Variants in MGAT4C observed in about 807,000 individuals in gnomAD.
MGAT4C encodes the protein MGAT4 family member C.
In MGAT4C, 19 loss-of-function variants were observed where a neutral mutation model predicts 40.1. The ratio of observed to expected loss-of-function variants is 0.47; its 90% CI spans 0.33 to 0.70. The LOEUF is 0.70. Among genes scored for constraint, MGAT4C ranks in the 30% least tolerant of loss-of-function variants. The pLI is 0.02. For synonymous variants in MGAT4C, 181 were observed against 187.1 expected, an observed-to-expected ratio of 0.97 and a Z score of 0.27; for missense variants, 491 against 563.2, an observed-to-expected ratio of 0.87 and a Z score of 1.30.
intron 1 of MGAT4C, among the ~76,000 whole-genome samples, chr12:86,768,484 C>A (rs1951559926): frequency 1.3e-5 from 2 of 152,060 alleles, no homozygotes; most frequent in African/African-American, 4.8e-5. Context: ...ATCAAGCTAC[C>A]AATGACTTTC....
At chr12:86,122,068 T>C (rs1047948616) in intron 1 of MGAT4C, among the ~76,000 whole-genome samples, 4 of 152,190 alleles carry the variant, frequency 2.6e-5, no homozygotes, top group African/African-American at 7.2e-5. Context: ...AAAATAACTA[T>C]AGTCATCAAA....
intron 1 of MGAT4C, among the ~76,000 whole-genome samples, chr12:86,185,477 A>C (rs1026072517): frequency 5.1e-4 from 77 of 152,298 alleles, no homozygotes; most frequent in African/African-American, 1.6e-3. Context: ...TTGGGAGCAC[A>C]GTCTTTCAGG....
chr12:86,122,452 C>T (rs1025249105), intron 1 of MGAT4C, among the ~76,000 whole-genome samples: 5 of 152,018 alleles, frequency 3.3e-5, no homozygotes, highest in Non-Finnish European at 7.4e-5. Flanking sequence ...TACAGCTATG[C>T]AAAAAGTTAT....
chr12:86,134,105 G>A (rs1057076149), intron 1 of MGAT4C, among the ~76,000 whole-genome samples: 5 of 152,012 alleles, frequency 3.3e-5, no homozygotes, highest in Non-Finnish European at 7.4e-5. Context: ...ACAATTCTAT[G>A]TTACTCATAA....
At chr12:86,252,954 G>C (rs568105190) in intron 1 of MGAT4C, among the ~76,000 whole-genome samples, 1 of 151,776 alleles carries the variant, frequency 6.6e-6, no homozygotes, top group Admixed American at 6.6e-5. Context: ...ACCACATTCA[G>C]AATCAAGTAT....
At chr12:86,461,726 A>G (rs1957605094) in intron 2 of MGAT4C, among the ~76,000 whole-genome samples, 1 of 152,240 alleles carries the variant, frequency 6.6e-6, no homozygotes, top group Admixed American at 6.5e-5. Context: ...ACAGAATGTA[A>G]TAAATTTCTT....
At chr12:86,537,129 C>A (rs1959085711) in intron 2 of MGAT4C, among the ~76,000 whole-genome samples, 1 of 151,630 alleles carries the variant, frequency 6.6e-6, no homozygotes, top group Admixed American at 6.6e-5. Flanking sequence ...GGACAAAAAA[C>A]CAAACACCGC....
At chr12:86,300,099 C>T (rs1210459858) in intron 4 of MGAT4C, among the ~76,000 whole-genome samples, 1 of 152,204 alleles carries the variant, frequency 6.6e-6, no homozygotes, top group Non-Finnish European at 1.5e-5. Flanking sequence ...TTCATCTCTA[C>T]TGATGCCTAA....
intron 1 of MGAT4C, among the ~76,000 whole-genome samples, chr12:86,174,217 T>C (rs528596892): frequency 1.3e-5 from 2 of 152,110 alleles, no homozygotes; most frequent in South Asian, 4.1e-4. Context: ...TTCCTTGATT[T>C]TATTATTGCA....
At chr12:86,780,126 A>T (rs1045176217) in intron 1 of MGAT4C, among the ~76,000 whole-genome samples, 3 of 152,146 alleles carry the variant, frequency 2.0e-5, no homozygotes, top group South Asian at 2.1e-4. Context: ...ACATTTTTTT[A>T]AATTTTTGTT....
chr12:85,971,975 T>C lies in MGAT4C; in HGVS notation c.*7314A>G, dbSNP rs1167888391. ...TTTTCTACTTTGACTATATTTACCA[T>C]TGACTACAGTAACTCAGCAGAAAGT... On this transcript the variant is annotated 3_prime_UTR_variant, in exon 5 of 5. Coordinates refer to ENST00000611864, the MANE Select transcript of MGAT4C (RefSeq NM_001351288.2). 1 of 151,184 alleles carries C rather than the reference T, an allele frequency of 6.6e-6. No homozygotes were observed. Among genetic ancestry groups the C allele is most frequent in the Middle Eastern group, 3.2e-3 (1 of 316 alleles). The allele number at this position is 151,184 out of a possible 1,614,324, so 9.4% of individuals were successfully genotyped here.
At chr12:86,361,062 A>C in intron 3 of MGAT4C, among the ~76,000 whole-genome samples, 1 of 152,170 alleles carries the variant, frequency 6.6e-6, no homozygotes. Flanking sequence ...AGCTGGAGGC[A>C]TCATGCTACC....
intron 2 of MGAT4C, among the ~76,000 whole-genome samples, chr12:86,490,798 G>T (rs1350549753): frequency 1.3e-5 from 2 of 152,040 alleles, no homozygotes; most frequent in Non-Finnish European, 2.9e-5. Flanking sequence ...AACCAACAAA[G>T]ATCAAAAGAG....
At chr12:86,296,759 C>A (rs139498310) in intron 4 of MGAT4C, among the ~76,000 whole-genome samples, 4 of 152,336 alleles carry the variant, frequency 2.6e-5, no homozygotes, top group African/African-American at 9.6e-5. Flanking sequence ...AGCCCCAGTT[C>A]CTGCTCGCGC....
At chr12:86,685,026 G>T (rs2136586491) in intron 2 of MGAT4C, among the ~76,000 whole-genome samples, 1 of 152,202 alleles carries the variant, frequency 6.6e-6, no homozygotes, top group South Asian at 2.1e-4. Flanking sequence ...CTGTGCAGAA[G>T]CTTTTTAGTT....
At chr12:86,832,753 G>A (rs945939295) in intron 1 of MGAT4C, among the ~76,000 whole-genome samples, 2 of 151,722 alleles carry the variant, frequency 1.3e-5, no homozygotes, top group African/African-American at 4.8e-5. Flanking sequence ...AGCTAACCAC[G>A]TAATCTACTT....
At chr12:86,774,484 C>T (rs567778354) in intron 1 of MGAT4C, among the ~76,000 whole-genome samples, 4 of 149,632 alleles carry the variant, frequency 2.7e-5, no homozygotes, top group South Asian at 2.1e-4. Flanking sequence ...TCAGTTCATA[C>T]GGGTATATTC....
chr12:86,162,546 T>C (rs1386418997), intron 1 of MGAT4C, among the ~76,000 whole-genome samples: 1 of 152,138 alleles, frequency 6.6e-6, no homozygotes, highest in African/African-American at 2.4e-5. Flanking sequence ...CTATGCTCAT[T>C]ATTTGGATGA....
chr12:86,212,540 G>T (rs1950512603), intron 1 of MGAT4C, among the ~76,000 whole-genome samples: 1 of 151,700 alleles, frequency 6.6e-6, no homozygotes, highest in Admixed American at 6.6e-5. Context: ...ATTCTTATTG[G>T]AGTCAGTTAT....
Sources: gnomAD v4.1 joint callset for allele counts (sites outside exome capture counted in the v4.1 genomes callset) on GRCh38, gnomAD v4.1.1 for gene constraint, MANE v1.5 for transcripts, NCBI Gene and HGNC (gene_info 2026-07-23, HGNC 2026-07-21) for gene names.